The following DHCR24 variants were observed in gnomAD, a reference collection of about 807,000 sequenced individuals.
DHCR24 encodes 24-dehydrocholesterol reductase.
DHCR24 carries 28 observed loss-of-function variants against 61.2 expected under a neutral mutation model. The ratio of observed to expected loss-of-function variants is 0.46; its 90% CI spans 0.34 to 0.63. DHCR24 has a LOEUF of 0.63. Among genes scored for constraint, DHCR24 ranks in the 20% least tolerant of loss-of-function variants. The probability of loss-of-function intolerance (pLI) is 0.01; values close to 1 mark genes in which losing one functional copy is unlikely to be tolerated. For synonymous variants in DHCR24, 261 were observed against 275.9 expected, an observed-to-expected ratio of 0.95 and a Z score of 0.54; for missense variants, 538 against 679.1, an observed-to-expected ratio of 0.79 and a Z score of 2.31.
intron 6 of DHCR24, among the ~76,000 whole-genome samples, chr1:54,858,843 T>C (rs1170222009): frequency 6.6e-6 from 1 of 151,906 alleles, no homozygotes; most frequent in African/African-American, 2.4e-5. Context: ...TCCATGTTGG[T>C]CAGGCTGGTC....
intron 2 of DHCR24, among the ~76,000 whole-genome samples, chr1:54,879,352 A>AAAAAAAAAAAAAAAAAAAAAAAAAAAG (rs573285056): frequency 4.7e-5 from 6 of 128,234 alleles, no homozygotes; most frequent in Non-Finnish European, 6.6e-5. Flanking sequence ...AAAAAAAAAA[A>AAAAAAAAAAAAAAAAAAAAAAAAAAAG]TCCAAATCAA....
chr1:54,879,201 C>G (rs906882119), intron 2 of DHCR24, among the ~76,000 whole-genome samples: 1 of 151,832 alleles, frequency 6.6e-6, no homozygotes, highest in African/African-American at 2.4e-5. Flanking sequence ...CATCTGTAAT[C>G]CCAGCTACTC....
At chr1:54,866,885 C>T (rs556637054) in intron 5 of DHCR24, among the ~76,000 whole-genome samples, 3 of 152,248 alleles carry the variant, frequency 2.0e-5, no homozygotes, top group African/African-American at 7.2e-5. Flanking sequence ...TCACGCTGGC[C>T]TCTGCCTGCT....
chr1:54,852,161 A>G lies in DHCR24; in HGVS notation c.*72T>C. On this transcript the variant is annotated 3_prime_UTR_variant, in exon 9 of 9. Coordinates refer to ENST00000371269, the MANE Select transcript of DHCR24 (RefSeq NM_014762.4). Reference sequence around the variant, plus strand: ...CTCTTTGAAAGTGTGGATCTAGGAAAGCAGCCAAGCTTGAGTGAAGGGAAG... The same window carrying G: ...CTCTTTGAAAGTGTGGATCTAGGAAGGCAGCCAAGCTTGAGTGAAGGGAAG... The G allele has an allele frequency of 1.9e-6, 3 of 1,588,592 alleles. No homozygotes were observed. The highest frequency in any genetic ancestry group is 1.7e-5 in the Admixed American group (1 of 59,540).
intron 6 of DHCR24, among the ~76,000 whole-genome samples, chr1:54,857,898 G>A (rs950992420): frequency 1.3e-5 from 2 of 152,186 alleles, no homozygotes; most frequent in African/African-American, 4.8e-5. Context: ...GCACAGGTGT[G>A]ACCAGAATGG....
chr1:54,868,539 A>T (rs1319843610), intron 5 of DHCR24, among the ~76,000 whole-genome samples: 1 of 152,180 alleles, frequency 6.6e-6, no homozygotes, highest in East Asian at 1.9e-4. Flanking sequence ...TTAAAGTAAT[A>T]AAAAAATTGG....
At chr1:54,884,189 C>A (rs1455211236) in intron 1 of DHCR24, among the ~76,000 whole-genome samples, 2 of 152,142 alleles carry the variant, frequency 1.3e-5, no homozygotes, top group Non-Finnish European at 2.9e-5. Context: ...CGATGACACC[C>A]TTTTTTCGAG....
rs557875696 is a variant in DHCR24, at chr1:54,876,536, C to A, written c.388-489G>T. On this transcript the variant is annotated intron_variant, in intron 2 of 8. Transcript: ENST00000371269. ...AGGCGTGGTGGCGGGCACCTGTAGT[C>A]CCAGCTGCTTGGGAGGCTGAGGCAG... Among the ~76,000 whole-genome samples the A allele has an allele frequency of 2.1e-3, 316 of 152,120 alleles. 1 individual carries two copies. The highest frequency in any genetic ancestry group is 7.1e-3 in the African/African-American group (295 of 41,508).
chr1:54,865,516 C>T (rs966209461), intron 5 of DHCR24, 70 bp from the exon 6 acceptor site: 22 of 1,599,816 alleles, frequency 1.4e-5, no homozygotes, highest in Non-Finnish European at 1.8e-5. Flanking sequence ...GTAACAGCGA[C>T]ACCCGGCTTC....
chr1:54,851,201 G>A lies in DHCR24; in HGVS notation c.*1032C>T, dbSNP rs1646873485. Reference sequence around the variant, plus strand: ...AGAAAAAGAGGGATGAGTGGTTGGAGAAATCAAGTCGATGCTCTTTTCTTC... The same window carrying A: ...AGAAAAAGAGGGATGAGTGGTTGGAAAAATCAAGTCGATGCTCTTTTCTTC... On this transcript the variant is annotated 3_prime_UTR_variant, in exon 9 of 9. Coordinates refer to ENST00000371269, the MANE Select transcript of DHCR24 (RefSeq NM_014762.4). 6.6e-6 allele frequency: 1 copy of A among 152,572 alleles called. No homozygotes were observed. The highest frequency in any genetic ancestry group is 1.5e-5 in the Non-Finnish European group (1 of 68,020). The allele number at this position is 152,572 out of a possible 1,614,324, so 9.5% of individuals were successfully genotyped here. A position where few individuals can be genotyped will look rare whatever the true frequency, so the allele number is the denominator to read the frequency against.
At chr1:54,884,196 C>T (rs665746) in intron 1 of DHCR24, among the ~76,000 whole-genome samples, 137,181 of 152,226 alleles carry the variant, frequency 0.9, 61,891 homozygotes, top group East Asian at 0.99. Flanking sequence ...ACCCTTTTTT[C>T]GAGGATAAGG....
At chr1:54,873,369 GATA>G (rs1647009654) in intron 4 of DHCR24, among the ~76,000 whole-genome samples, 1 of 152,162 alleles carries the variant, frequency 6.6e-6, no homozygotes, top group Admixed American at 6.5e-5. Context: ...CATAATACTT[GATA>G]ATGATAAATG....
At chr1:54,874,164 GAAGA>G (rs1307670100) in intron 4 of DHCR24, among the ~76,000 whole-genome samples, 1 of 152,128 alleles carries the variant, frequency 6.6e-6, no homozygotes, top group Non-Finnish European at 1.5e-5. Flanking sequence ...ATTTATTATT[GAAGA>G]AAGAAAATTT....
intron 6 of DHCR24, among the ~76,000 whole-genome samples, chr1:54,864,962 G>A (rs1245161027): frequency 6.6e-6 from 1 of 152,150 alleles, no homozygotes; most frequent in East Asian, 1.9e-4. Flanking sequence ...TCCTACTAAT[G>A]TTCCTGCGGC....
At chr1:54,865,177 T>C (rs1001957893) in intron 6 of DHCR24, 126 bp downstream of exon 6, 29 of 1,183,720 alleles carry the variant, frequency 2.4e-5, no homozygotes, top group African/African-American at 4.6e-5. Context: ...TAAGAAGGCA[T>C]TGCAGTTCCT....
Position 54,886,911 on chromosome 1 carries a change from C to T in DHCR24, c.209G>A (p.Arg70His). 6.2e-7 allele frequency: 1 copy of T among 1,613,220 alleles called. No individual in the cohort carries two copies. The highest frequency in any genetic ancestry group is 8.5e-7 in the Non-Finnish European group (1 of 1,179,604). ...CACCTGCTTCTGGATGTCCCGCACG[C>T]GCTGCTCGTGCAGGCGCGGAGCGCT... ...LSSAPRLHEQ[R>H]VRDIQKQVRE... is the part of the protein sequence containing the mutation. Residue 70 changes from arginine (R) to histidine (H), a missense_variant, in exon 1 of 9, where the codon CGC becomes CAC. Transcript: ENST00000371269.
chr1:54,866,675 C>T (rs1646970015), intron 5 of DHCR24, among the ~76,000 whole-genome samples: 1 of 152,142 alleles, frequency 6.6e-6, no homozygotes, highest in African/African-American at 2.4e-5. Flanking sequence ...CTCTACCCTA[C>T]AGCCAGGCAA....
At chr1:54,879,352 A>AAAAAAAAAAAAAAAAAAAAAAAG (rs573285056) in intron 2 of DHCR24, among the ~76,000 whole-genome samples, 6 of 128,228 alleles carry the variant, frequency 4.7e-5, no homozygotes, top group East Asian at 4.5e-4. Flanking sequence ...AAAAAAAAAA[A>AAAAAAAAAAAAAAAAAAAAAAAG]TCCAAATCAA....
rs1646877782 is a variant in DHCR24 at position 54,851,976 on chromosome 1, A to G, written c.*257T>C. On this transcript the variant is annotated 3_prime_UTR_variant, in exon 9 of 9. Coordinates refer to ENST00000371269, the MANE Select transcript of DHCR24 (RefSeq NM_014762.4). ...GACCCGGGCTCAGAGGGGTTAAGGG[A>G]CTCACCCAGAGTCACACAGCTAATG... 1 of 548,256 alleles carries G rather than the reference A, an allele frequency of 1.8e-6. No homozygotes were observed. The highest frequency in any genetic ancestry group is 3.3e-6 in the Non-Finnish European group (1 of 304,174). The allele number at this position is 548,256 out of a possible 1,614,324, so 34.0% of individuals were successfully genotyped here. A position where few individuals can be genotyped will look rare whatever the true frequency, so the allele number is the denominator to read the frequency against.
Sources: gnomAD v4.1 joint callset for allele counts (sites outside exome capture counted in the v4.1 genomes callset) on GRCh38, gnomAD v4.1.1 for gene constraint, MANE v1.5 for transcripts, NCBI Gene and HGNC (gene_info 2026-07-23, HGNC 2026-07-21) for gene names.